STAU2: variants seen among roughly 807,000 people sequenced by gnomAD.
STAU2 encodes the protein double-stranded RNA-binding protein Staufen homolog 2.
A neutral mutation model predicts 65.9 loss-of-function variants in STAU2; 20 were observed. That is an observed-to-expected ratio of 0.30 (90% CI 0.21 to 0.44). The LOEUF is 0.44. Among genes scored for constraint, STAU2 ranks in the 20% least tolerant of loss-of-function variants. STAU2 has a pLI of 1.00. For synonymous variants in STAU2, 232 were observed against 233.9 expected (o/e 0.99, Z 0.07); for missense variants, 558 against 683.9 (o/e 0.82, Z 2.05).
At chr8:73,589,107 A>G (rs1359021403) in intron 11 of STAU2, among the ~76,000 whole-genome samples, 1 of 152,176 alleles carries the variant, frequency 6.6e-6, no homozygotes, top group Non-Finnish European at 1.5e-5. Flanking sequence ...CTCACATTAC[A>G]CAAAGCATGG....
chr8:73,550,669 G>A, intron 13 of STAU2: 1 of 982,864 alleles, frequency 1.0e-6, no homozygotes, highest in Middle Eastern at 2.9e-4. Flanking sequence ...GTGATTTATT[G>A]TGTTTCTTAA....
rs117151656 is a variant in STAU2, at chr8:73,554,782, A to G, written c.1223-2463T>C. Among the ~76,000 whole-genome samples the G allele has an allele frequency of 1.4e-3, 220 of 152,332 alleles. 2 individuals are homozygous for G. Among genetic ancestry groups the G allele is most frequent in the Non-Finnish European group, 1.4e-3 (98 of 68,038 alleles). On this transcript the variant is annotated intron_variant, in intron 12 of 14. Transcript: ENST00000524300. ...GGTCTTTCACCAGTTTATCAGTTAC[A>G]CTATAGAACCCAAACTCCTTAGGAT...
intron 13 of STAU2, among the ~76,000 whole-genome samples, chr8:73,504,741 A>G (rs908007034): frequency 3.3e-5 from 5 of 151,606 alleles, no homozygotes; most frequent in African/African-American, 9.7e-5. Flanking sequence ...TGTTTTTCCT[A>G]GTGAGGATTT....
At chr8:73,711,469 T>A (rs913944089) in intron 3 of STAU2, among the ~76,000 whole-genome samples, 7 of 152,166 alleles carry the variant, frequency 4.6e-5, no homozygotes, top group African/African-American at 1.4e-4. Flanking sequence ...CAATTTTGCA[T>A]AACACAAATA....
At chr8:73,714,218 A>G (rs889848496) in intron 3 of STAU2, among the ~76,000 whole-genome samples, 2 of 152,208 alleles carry the variant, frequency 1.3e-5, no homozygotes, top group East Asian at 3.9e-4. Flanking sequence ...CACAGTTTCT[A>G]TGTCTCTTTA....
chr8:73,486,622 T>TATAC lies in STAU2; in HGVS notation c.1531-63921_1531-63920insGTAT, dbSNP rs1247012253. Among the ~76,000 whole-genome samples the TATAC allele has an allele frequency of 3.4e-4, 50 of 146,126 alleles. 1 individual carries two copies. The South Asian group carries it at 0.01, about 31-fold the overall frequency. Reference sequence around the variant, plus strand: ...CTGAAAAATATCCATTATATATATATATATACACATTTATAAGTAAATATA... The same window carrying TATAC: ...CTGAAAAATATCCATTATATATATATATACATATACACATTTATAAGTAAATATA... On this transcript the variant is annotated intron_variant, in intron 13 of 14. Transcript: ENST00000524300.
At chr8:73,468,751 T>G (rs1216578983) in intron 13 of STAU2, among the ~76,000 whole-genome samples, 3 of 152,150 alleles carry the variant, frequency 2.0e-5, no homozygotes, top group Non-Finnish European at 4.4e-5. Flanking sequence ...AAAACCACAA[T>G]GAGATACCAC....
intron 6 of STAU2, among the ~76,000 whole-genome samples, chr8:73,637,750 A>C (rs1814656454): frequency 6.6e-6 from 1 of 151,950 alleles, no homozygotes; most frequent in African/African-American, 2.4e-5. Context: ...CAAAACAAAA[A>C]AAGGGAAATG....
At chr8:73,687,394 AAT>A (rs1491497405) in intron 5 of STAU2, among the ~76,000 whole-genome samples, 7 of 127,064 alleles carry the variant, frequency 5.5e-5, no homozygotes, top group Admixed American at 8.8e-5. Flanking sequence ...TTATAAAAAT[AAT>A]ATATTTATAT....
rs1257091529 is a variant in STAU2, at chr8:73,709,096, G to A, written c.50C>T (p.Ala17Val). 2.6e-6 allele frequency: 4 copies of A among 1,533,376 alleles called. No homozygotes were observed. The Admixed American group carries it at 7.9e-5, about 30-fold the overall frequency. The allele number at this position is 1,533,376 out of a possible 1,614,324, so 95.0% of individuals were successfully genotyped here. The stretch of plus-strand genomic sequence containing the variant: ...CTGGGGTTGGACTCTATTGAAACGG[G>A]CTAACTCATTTACCAGACACATTGC... ...KTAMCLVNEL[A>V]RFNRVQPQYK... is the part of the protein sequence containing the mutation. The change falls in exon 4 of 15, where the codon GCC becomes GTC. Residue 17 changes from alanine (A) to valine (V), a missense_variant. Ala to Val is a moderately conservative substitution (Grantham distance 64, BLOSUM62 0). Coordinates refer to ENST00000524300, the MANE Select transcript of STAU2 (RefSeq NM_001164380.2).
intron 4 of STAU2, among the ~76,000 whole-genome samples, chr8:73,690,103 C>T (rs914218347): frequency 1.3e-5 from 2 of 151,554 alleles, no homozygotes; most frequent in Admixed American, 6.6e-5. Context: ...CTGAGATGGG[C>T]GGATCACAAG....
intron 10 of STAU2, among the ~76,000 whole-genome samples, chr8:73,599,873 T>C (rs1277126856): frequency 6.6e-6 from 1 of 152,146 alleles, no homozygotes; most frequent in East Asian, 1.9e-4. Flanking sequence ...GTTCATGCCA[T>C]TCTCCTGCCT....
At chr8:73,610,900 T>C (rs1812405081) in intron 9 of STAU2, among the ~76,000 whole-genome samples, 1 of 152,342 alleles carries the variant, frequency 6.6e-6, no homozygotes, top group South Asian at 2.1e-4. Context: ...TGGAGTCAGA[T>C]GTGACAACTG....
chr8:73,688,750 T>G lies in STAU2; in HGVS notation c.178A>C (p.Lys60Gln), dbSNP rs749603371. 8.1e-6 allele frequency: 13 copies of G among 1,614,088 alleles called. No homozygotes were observed. The part of the protein sequence containing the change: ...TWESEGSSIK[K>Q]AQQAVANKAL... ...TTATTGGCAACAGCCTGCTGAGCCT[T>G]CTTTATACTGCTGCCTTCGGATTCC... Residue 60 changes from lysine (K) to glutamine (Q), a missense_variant, in exon 5 of 15, where the codon AAG (lysine) becomes CAG (glutamine). This residue lies in a region of STAU2 where 112 missense variants were observed against 114.2 expected (regional missense o/e 0.98). Transcript: ENST00000524300.
At chr8:73,589,116 G>A (rs1267823990) in intron 11 of STAU2, among the ~76,000 whole-genome samples, 2 of 152,142 alleles carry the variant, frequency 1.3e-5, no homozygotes, top group Admixed American at 6.6e-5. Flanking sequence ...CACAAAGCAT[G>A]GGTAACAGCA....
At chr8:73,502,061 A>C (rs1301553410) in intron 13 of STAU2, among the ~76,000 whole-genome samples, 1 of 151,974 alleles carries the variant, frequency 6.6e-6, no homozygotes, top group African/African-American at 2.4e-5. Context: ...AATTTGTGGA[A>C]AACATTTTCT....
intron 6 of STAU2, among the ~76,000 whole-genome samples, chr8:73,646,839 A>G (rs1185416848): frequency 1.3e-5 from 2 of 152,042 alleles, no homozygotes; most frequent in Non-Finnish European, 2.9e-5. Context: ...ATTTATATCT[A>G]AAATATATAC....
rs1399508601 is a variant in STAU2, at chr8:73,631,357, T to C, written c.411-13906A>G. Reference sequence around the variant, plus strand: ...TACCACTGCACTCCAGCCTAGGCAATAGAGTGAGACCTCATCTCTTAAAAA... The same window carrying C: ...TACCACTGCACTCCAGCCTAGGCAACAGAGTGAGACCTCATCTCTTAAAAA... On this transcript the variant is annotated intron_variant, in intron 6 of 14. Coordinates refer to ENST00000524300, the MANE Select transcript of STAU2 (RefSeq NM_001164380.2). Among the ~76,000 whole-genome samples, 3 of 147,522 alleles carry C rather than the reference T, an allele frequency of 2.0e-5. No homozygotes were observed. The East Asian group carries it at 6.0e-4, about 29-fold the overall frequency.
rs186206765 is a variant in STAU2 at position 73,577,087 on chromosome 8, C to A, written c.1222+5683G>T. On this transcript the variant is annotated intron_variant, in intron 12 of 14. Coordinates refer to ENST00000524300, the MANE Select transcript of STAU2 (RefSeq NM_001164380.2). ...TTCTTCTTTACCTTCAGAAAAGTTT[C>A]CTCAAGACTTCAGTATACAGATAAT... Among the ~76,000 whole-genome samples, 71 of 152,266 alleles carry A rather than the reference C, an allele frequency of 4.7e-4. 1 individual carries two copies. The highest frequency in any genetic ancestry group is 1.8e-3 in the Admixed American group (27 of 15,288).
Sources: gnomAD v4.1 joint callset for allele counts (sites outside exome capture counted in the v4.1 genomes callset) on GRCh38, gnomAD v4.1.1 for gene constraint, gnomAD v4.1.1 regional missense constraint, MANE v1.5 for transcripts, NCBI Gene and HGNC (gene_info 2026-07-23, HGNC 2026-07-21) for gene names.